Variants in FGF14 observed in about 807,000 individuals in gnomAD.
The protein encoded by FGF14 is fibroblast growth factor 14.
FGF14 carries 5 observed loss-of-function variants against 25.5 expected under a neutral mutation model. The observed-to-expected ratio is 0.20, with a 90% CI of 0.10 to 0.41. FGF14 has a LOEUF of 0.41. FGF14 is among the 10% of genes least tolerant of loss of function. The pLI is 1.00. For synonymous variants in FGF14, 138 were observed against 118.3 expected, an observed-to-expected ratio of 1.17 and a Z score of -1.08; for missense variants, 222 against 320.1, an observed-to-expected ratio of 0.69 and a Z score of 2.34.
intron 1 of FGF14, among the ~76,000 whole-genome samples, chr13:102,147,736 G>T (rs2046912161): frequency 6.6e-6 from 1 of 152,134 alleles, no homozygotes. Flanking sequence ...AAGGGGAGTG[G>T]TAGAAAAGGG....
rs1594746645 is a variant in FGF14, at chr13:102,290,822, C to T, written c.208+110649G>A. Among the ~76,000 whole-genome samples the T allele has an allele frequency of 2.6e-5, 4 of 152,294 alleles. 1 individual carries two copies. The South Asian group carries it at 8.3e-4, about 32-fold the overall frequency. ...ATCCTTAAAATCATATAGTCATTTT[C>T]ACCCTACGCAGTTGTCACCAGCCCT... On this transcript the variant is annotated intron_variant, in intron 1 of 4. Transcript: ENST00000376131.
intron 1 of FGF14, among the ~76,000 whole-genome samples, chr13:102,153,410 T>G (rs1233388390): frequency 6.6e-6 from 1 of 152,174 alleles, no homozygotes; most frequent in East Asian, 1.9e-4. Flanking sequence ...TATCAGCAAA[T>G]CTGGTATTTG....
chr13:101,806,426 A>G (rs1176563186), intron 3 of FGF14, among the ~76,000 whole-genome samples: 5 of 151,026 alleles, frequency 3.3e-5, no homozygotes, highest in Admixed American at 1.3e-4. Flanking sequence ...CTAAGAAGAA[A>G]AAAAAAAAAA....
chr13:101,781,512 C>CA (rs2039491001), intron 3 of FGF14, among the ~76,000 whole-genome samples: 1 of 152,198 alleles, frequency 6.6e-6, no homozygotes, highest in Non-Finnish European at 1.5e-5. Context: ...CAGGGACTAG[C>CA]ATGGTATATA....
intron 3 of FGF14, among the ~76,000 whole-genome samples, chr13:101,831,565 C>T (rs2042672265): frequency 6.6e-6 from 1 of 152,090 alleles, no homozygotes; most frequent in Non-Finnish European, 1.5e-5. Flanking sequence ...GAATTGCAAT[C>T]CTAGACCATT....
At chr13:102,025,813 T>C (rs78505505) in intron 1 of FGF14, among the ~76,000 whole-genome samples, 4,265 of 152,210 alleles carry the variant, frequency 0.028, 197 homozygotes, top group African/African-American at 0.098. Context: ...ATTGTTAGTA[T>C]ATAGAAATAC....
intron 3 of FGF14, among the ~76,000 whole-genome samples, chr13:101,865,921 A>G (rs2044676644): frequency 6.6e-6 from 1 of 152,100 alleles, no homozygotes; most frequent in African/African-American, 2.4e-5. Context: ...CATTTGTCTG[A>G]TTTAAATCTC....
chr13:102,248,077 G>A (rs985355815), intron 1 of FGF14, among the ~76,000 whole-genome samples: 5 of 152,028 alleles, frequency 3.3e-5, no homozygotes, highest in Non-Finnish European at 5.9e-5. Flanking sequence ...ACAGACACTG[G>A]GGCCTATTTG....
chr13:101,837,454 G>A (rs2042980564), intron 3 of FGF14, among the ~76,000 whole-genome samples: 1 of 152,078 alleles, frequency 6.6e-6, no homozygotes, highest in African/African-American at 2.4e-5. Flanking sequence ...AGAATGTGTG[G>A]AAAACCTTAC....
intron 1 of FGF14, among the ~76,000 whole-genome samples, chr13:101,979,955 T>C (rs1253495117): frequency 6.6e-6 from 1 of 152,188 alleles, no homozygotes; most frequent in African/African-American, 2.4e-5. Context: ...CAGTCAACAC[T>C]AAATCGTTTG....
chr13:101,916,373 G>C, intron 1 of FGF14, 80 bp downstream of exon 1: 3 of 1,540,594 alleles, frequency 1.9e-6, no homozygotes, highest in Non-Finnish European at 2.7e-6. Flanking sequence ...AACCGAGGGA[G>C]GGAAGGAGCC....
intron 1 of FGF14, among the ~76,000 whole-genome samples, chr13:101,989,186 A>G (rs1189135075): frequency 6.6e-6 from 1 of 152,118 alleles, no homozygotes; most frequent in Non-Finnish European, 1.5e-5. Context: ...GCTTTGAAAT[A>G]ATCAAGTAAC....
intron 1 of FGF14, among the ~76,000 whole-genome samples, chr13:102,073,751 T>C (rs2043241698): frequency 6.6e-6 from 1 of 152,190 alleles, no homozygotes; most frequent in Non-Finnish European, 1.5e-5. Context: ...AGGCCTATGA[T>C]TATACTTGCA....
At chr13:102,166,306 T>C (rs1230529320) in intron 1 of FGF14, among the ~76,000 whole-genome samples, 2 of 152,140 alleles carry the variant, frequency 1.3e-5, no homozygotes, top group Admixed American at 6.5e-5. Flanking sequence ...TTACGAAATT[T>C]ATAAATTTCG....
chr13:101,893,153 A>G (rs534423134), intron 1 of FGF14, among the ~76,000 whole-genome samples: 1 of 152,274 alleles, frequency 6.6e-6, no homozygotes, highest in South Asian at 2.1e-4. Flanking sequence ...GGATTTTAAT[A>G]GAGGCTTGTT....
chr13:101,910,010 G>A (rs1220857468), intron 1 of FGF14, among the ~76,000 whole-genome samples: 7 of 151,312 alleles, frequency 4.6e-5, no homozygotes, highest in South Asian at 2.1e-4. Flanking sequence ...ACCAAACACC[G>A]CACGTTCTCA....
chr13:102,326,693 GGGAAGGAAGGAAGGAAGGAAGGAA>G (rs372687332), intron 1 of FGF14, among the ~76,000 whole-genome samples: 14 of 29,388 alleles, frequency 4.8e-4, no homozygotes, highest in South Asian at 1.8e-3. Context: ...GGGAAGGGAA[GGGAAGGAAGGAAGGAAGGAAGGAA>G]GGAAGGAAGG....
At chr13:102,039,291 G>A (rs2041619325) in intron 1 of FGF14, among the ~76,000 whole-genome samples, 1 of 152,122 alleles carries the variant, frequency 6.6e-6, no homozygotes, top group African/African-American at 2.4e-5. Flanking sequence ...GAAAATAATT[G>A]AGTTTGTGGA....
chr13:102,206,768 C>G (rs1044428651), intron 1 of FGF14, among the ~76,000 whole-genome samples: 1 of 152,106 alleles, frequency 6.6e-6, no homozygotes, highest in Non-Finnish European at 1.5e-5. Flanking sequence ...GAAAATATCA[C>G]GTGAATCAAT....
Sources: gnomAD v4.1 joint callset for allele counts (sites outside exome capture counted in the v4.1 genomes callset) on GRCh38, gnomAD v4.1.1 for gene constraint, MANE v1.5 for transcripts, NCBI Gene and HGNC (gene_info 2026-07-23, HGNC 2026-07-21) for gene names.